CERK: variants seen among roughly 807,000 people sequenced by gnomAD.
CERK encodes acylsphingosine kinase.
A neutral mutation model predicts 63.4 loss-of-function variants in CERK; 39 were observed. That is an observed-to-expected ratio of 0.61 (90% CI 0.48 to 0.80). The LOEUF is 0.80. CERK is among the 30% of genes least tolerant of loss of function. The pLI is 0.00. For synonymous variants in CERK, 302 were observed against 280.0 expected, an observed-to-expected ratio of 1.08 and a Z score of -0.78; for missense variants, 670 against 714.1, an observed-to-expected ratio of 0.94 and a Z score of 0.70.
In CERK at chr22:46,709,668, C is replaced by T. The variant is rs75531831; in HGVS notation, c.569+1418G>A. On this transcript the variant is annotated intron_variant, in intron 5 of 12. Coordinates refer to ENST00000216264, the MANE Select transcript of CERK (RefSeq NM_022766.6). ...CTGCAATTTATAACACATTGCTCAC[C>T]GACTCCAGATGGAACAGAGAGAAGA... is the stretch of plus-strand genomic sequence containing the variant. Among the ~76,000 whole-genome samples, 358 of 152,192 alleles carry T rather than the reference C, an allele frequency of 2.4e-3. 2 individuals carry two copies. The highest frequency in any genetic ancestry group is 8.1e-3 in the African/African-American group (336 of 41,534).
At chr22:46,730,910 C>T (rs1435618269) in intron 1 of CERK, among the ~76,000 whole-genome samples, 1 of 152,232 alleles carries the variant, frequency 6.6e-6, no homozygotes, top group Non-Finnish European at 1.5e-5. Context: ...TCAGTCTAGC[C>T]AGGGAAGGGG....
At chr22:46,727,162 GCC>G (rs1249557210) in intron 1 of CERK, among the ~76,000 whole-genome samples, 2 of 152,156 alleles carry the variant, frequency 1.3e-5, no homozygotes, top group African/African-American at 4.8e-5. Context: ...CTCACAGCAA[GCC>G]CCCAGAGTTC....
rs572575191 is a variant in CERK, at chr22:46,686,674, C to T, written c.*460G>A. 6.4e-5 allele frequency: 11 copies of T among 172,804 alleles called. No homozygotes were observed. Among genetic ancestry groups the T allele is most frequent in the African/African-American group, 2.1e-4 (9 of 41,986 alleles). 10.7% of individuals were successfully genotyped at this position (172,804 alleles called of 1,614,324 possible). A position where few individuals can be genotyped will look rare whatever the true frequency, so the allele number is the denominator to read the frequency against. ...AACGAAGAGGAAGGTGAAATGAAGG[C>T]AAAGAGAATCAACCACTTCCCAAAA... On this transcript the variant is annotated 3_prime_UTR_variant, in exon 13 of 13. Coordinates refer to ENST00000216264, the MANE Select transcript of CERK (RefSeq NM_022766.6).
Position 46,693,446 on chromosome 22 carries a change from C to T in CERK, c.1107G>A (p.Leu369=). ...AATTACCCGCAGCTTCCAAACCATA[C>T]AGTGCTTTCTTCTGCTCCTCCTCCA... is the stretch of plus-strand genomic sequence containing the variant. ...QQLEEEQKKA[L]YGLEAAEDVE... is the part of the protein sequence containing the mutation. Residue 369 remains leucine (L), a synonymous_variant, in exon 10 of 13, where the codon CTG becomes CTA. Transcript: ENST00000216264. 6.2e-7 allele frequency: 1 copy of T among 1,614,166 alleles called. No homozygotes were observed. The highest frequency in any genetic ancestry group is 8.5e-7 in the Non-Finnish European group (1 of 1,179,994).
At chr22:46,713,772 G>A (rs2082854792) in intron 3 of CERK, among the ~76,000 whole-genome samples, 1 of 152,150 alleles carries the variant, frequency 6.6e-6, no homozygotes, top group Non-Finnish European at 1.5e-5. Context: ...AAAACTTCTG[G>A]GGTGACAGAA....
At chr22:46,719,154 G>A (rs1038160006) in intron 3 of CERK, among the ~76,000 whole-genome samples, 98 of 151,486 alleles carry the variant, frequency 6.5e-4, no homozygotes, top group African/African-American at 2.4e-3. Flanking sequence ...CACTTTGTGT[G>A]TGTGTGTGTG....
intron 1 of CERK, among the ~76,000 whole-genome samples, chr22:46,721,771 C>T (rs751314481): frequency 5.9e-5 from 9 of 152,106 alleles, no homozygotes; most frequent in Non-Finnish European, 1.2e-4. Flanking sequence ...CCAAGTGTGG[C>T]GCGAACTGGA....
intron 6 of CERK, among the ~76,000 whole-genome samples, chr22:46,706,285 T>C (rs2082812572): frequency 6.6e-6 from 1 of 152,160 alleles, no homozygotes; most frequent in Non-Finnish European, 1.5e-5. Context: ...TCCCGAGCCG[T>C]CTGCTCCCGG....
At chr22:46,729,412 A>C (rs768927492) in intron 1 of CERK, among the ~76,000 whole-genome samples, 3 of 152,154 alleles carry the variant, frequency 2.0e-5, no homozygotes, top group Non-Finnish European at 2.9e-5. Flanking sequence ...TTTATTTTTT[A>C]TTAATTTTTT....
intron 3 of CERK, among the ~76,000 whole-genome samples, chr22:46,713,120 C>T (rs2082849846): frequency 6.6e-6 from 1 of 152,088 alleles, no homozygotes; most frequent in African/African-American, 2.4e-5. Context: ...TGTGACTCTG[C>T]TACTTAAAAG....
chr22:46,691,362 C>T (rs1037024404), intron 11 of CERK, among the ~76,000 whole-genome samples: 77 of 152,084 alleles, frequency 5.1e-4, no homozygotes, highest in African/African-American at 1.7e-3. Flanking sequence ...CATGAGCCAC[C>T]GCATCTGGCC....
chr22:46,707,089 C>A (rs1250103477), intron 6 of CERK, among the ~76,000 whole-genome samples: 1 of 152,136 alleles, frequency 6.6e-6, no homozygotes, highest in Non-Finnish European at 1.5e-5. Flanking sequence ...GACCTCACCC[C>A]CAGTCCTCCT....
chr22:46,696,025 C>G (rs1289899288), intron 8 of CERK, among the ~76,000 whole-genome samples: 1 of 152,180 alleles, frequency 6.6e-6, no homozygotes, highest in Admixed American at 6.5e-5. Flanking sequence ...CTGGTGCTGC[C>G]CTGTATGACA....
At position 46,733,592 on chromosome 22, in the gene CERK, C is replaced by T. The variant is rs375806514; in HGVS notation, c.142+4415G>A. On this transcript the variant is annotated intron_variant, in intron 1 of 12. Coordinates refer to ENST00000216264, the MANE Select transcript of CERK (RefSeq NM_022766.6). The stretch of plus-strand genomic sequence containing the variant: ...TACAGGTGTGAGCCACCACGCCCGG[C>T]CCTTATCTTTTTTTTTAAATTTATG... Among the ~76,000 whole-genome samples, 47 of 151,988 alleles carry T rather than the reference C, an allele frequency of 3.1e-4. No homozygotes were observed. The South Asian group carries it at 9.6e-3, about 31-fold the overall frequency.
At chr22:46,723,764 C>G (rs1465764801) in intron 1 of CERK, among the ~76,000 whole-genome samples, 3 of 151,066 alleles carry the variant, frequency 2.0e-5, no homozygotes, top group Non-Finnish European at 4.4e-5. Context: ...GTGGTGTGAT[C>G]TTGGCTCGCT....
chr22:46,723,940 T>G (rs988476135), intron 1 of CERK, among the ~76,000 whole-genome samples: 4 of 152,078 alleles, frequency 2.6e-5, no homozygotes, highest in African/African-American at 9.7e-5. Context: ...TCAGGTGATC[T>G]GCCCGCCTCG....
intron 3 of CERK, among the ~76,000 whole-genome samples, chr22:46,718,774 T>C (rs183785764): frequency 1.1e-4 from 16 of 152,252 alleles, no homozygotes; most frequent in African/African-American, 3.6e-4. Context: ...CTGTGCTGAG[T>C]TGTCAAGACT....
intron 1 of CERK, among the ~76,000 whole-genome samples, chr22:46,733,815 G>T (rs1210142508): frequency 6.6e-6 from 1 of 151,630 alleles, no homozygotes; most frequent in Non-Finnish European, 1.5e-5. Flanking sequence ...GCCGAGGCAG[G>T]CAGATCATCT....
At chr22:46,713,805 A>G (rs2082854979) in intron 3 of CERK, among the ~76,000 whole-genome samples, 1 of 152,138 alleles carries the variant, frequency 6.6e-6, no homozygotes, top group Non-Finnish European at 1.5e-5. Context: ...TTGAGTTACA[A>G]AGGTATGTGT....
Sources: gnomAD v4.1 joint callset for allele counts (sites outside exome capture counted in the v4.1 genomes callset) on GRCh38, gnomAD v4.1.1 for gene constraint, MANE v1.5 for transcripts, NCBI Gene and HGNC (gene_info 2026-07-23, HGNC 2026-07-21) for gene names.